The following CACNA1B variants were observed in gnomAD, a reference collection of about 807,000 sequenced individuals.
CACNA1B encodes calcium voltage-gated channel subunit alpha1 B, also known as voltage-dependent N-type calcium channel subunit alpha-1B.
In CACNA1B, 70 loss-of-function variants were observed where a neutral mutation model predicts 247.2. The observed-to-expected ratio is 0.28, with a 90% CI of 0.23 to 0.35. CACNA1B has a LOEUF of 0.35. CACNA1B is among the 10% of genes least tolerant of loss of function. The pLI is 1.00. For missense variants in CACNA1B, 2,367 were observed against 3,197.4 expected (o/e 0.74, Z 6.26); for synonymous variants, 1,231 against 1,294.4 (o/e 0.95, Z 1.05).
At chr9:137,960,183 AGTTGG>A (rs1487928239) in intron 10 of CACNA1B, among the ~76,000 whole-genome samples, 147 of 29,350 alleles carry the variant, frequency 5.0e-3, no homozygotes, top group South Asian at 7.1e-3. Context: ...GGGGAGGGAA[AGTTGG>A]CCTGAGTGAG....
intron 18 of CACNA1B, among the ~76,000 whole-genome samples, chr9:138,019,982 A>G (rs1187691610): frequency 6.6e-6 from 1 of 151,580 alleles, no homozygotes; most frequent in Non-Finnish European, 1.5e-5. Flanking sequence ...CTGTAGTCCC[A>G]GCTACTCGGT....
In CACNA1B at chr9:138,051,623, G is replaced by A. The variant is rs1959283927; in HGVS notation, c.3711-469G>A. ...ACGTCAGCGGGAGGAATGTTAGGAC[G>A]GCTGAGGAGATCTGTAGGGCAGAGG... is the stretch of plus-strand genomic sequence containing the variant. On this transcript the variant is annotated intron_variant, in intron 24 of 46. Coordinates refer to ENST00000371372, the MANE Select transcript of CACNA1B (RefSeq NM_000718.4). This position sits in a 1 kb window ranked among gnomAD's most constrained non-coding sequence, Gnocchi z 4.3. Among the ~76,000 whole-genome samples the A allele has an allele frequency of 6.6e-6, 1 of 151,938 alleles. No individual in the cohort carries two copies. The highest frequency in any genetic ancestry group is 2.4e-5 in the African/African-American group (1 of 41,342).
chr9:137,991,433 C>A (rs1460179459), intron 15 of CACNA1B, among the ~76,000 whole-genome samples: 2 of 152,124 alleles, frequency 1.3e-5, no homozygotes, highest in Non-Finnish European at 2.9e-5. Flanking sequence ...AGTTAAGTGT[C>A]CAAACCTAAG....
chr9:138,097,628 C>A (rs1162724660), intron 37 of CACNA1B, among the ~76,000 whole-genome samples: 1 of 152,172 alleles, frequency 6.6e-6, no homozygotes, highest in African/African-American at 2.4e-5. Flanking sequence ...CACCACTCCC[C>A]GTGCCCTAGG....
chr9:138,043,783 T>C lies in CACNA1B; in HGVS notation c.3296T>C (p.Val1099Ala). The change falls in exon 21 of 47, where the codon GTG becomes GCG. Residue 1099 changes from valine to alanine, a missense_variant. Val to Ala is a moderately conservative substitution (Grantham distance 64). Coordinates refer to ENST00000371372, the MANE Select transcript of CACNA1B (RefSeq NM_000718.4). The stretch of plus-strand genomic sequence containing the variant: ...CCCTGTGTCCTTGTAGGTGGTAACG[T>C]GGACCTGGAAAGCCAAGCAGAGGGG... The part of the protein sequence containing the change: ...GEATVVPSGN[V>A]DLESQAEGKK... 2 of 1,613,808 alleles carry C rather than the reference T, an allele frequency of 1.2e-6. No individual in the cohort carries two copies. The highest frequency in any genetic ancestry group is 1.7e-6 in the Non-Finnish European group (2 of 1,179,832).
At chr9:138,098,155 A>T (rs1322272751) in intron 37 of CACNA1B, among the ~76,000 whole-genome samples, 1 of 152,234 alleles carries the variant, frequency 6.6e-6, no homozygotes, top group Non-Finnish European at 1.5e-5. Flanking sequence ...AGTGTATATG[A>T]CAATTTCCGT....
chr9:138,091,478 G>A (rs1005819532), intron 36 of CACNA1B, among the ~76,000 whole-genome samples: 1 of 152,134 alleles, frequency 6.6e-6, no homozygotes, highest in Admixed American at 6.5e-5. Flanking sequence ...CTGTATCACT[G>A]TAGGGTGACT....
chr9:138,121,404 T>C lies in CACNA1B; in HGVS notation c.6490-65T>C. On this transcript the variant is annotated intron_variant, in intron 46 of 46. Transcript: ENST00000371372. This position sits in a 1 kb window ranked among gnomAD's most constrained non-coding sequence, Gnocchi z 6.8. ...AGGCACCTGTGTGTGATGTGCTCTG[T>C]CTGTTGGTTCGGCTTTTTTTTTTTT... 1 of 1,289,136 alleles carries C rather than the reference T, an allele frequency of 7.8e-7. No individual in the cohort carries two copies. Among genetic ancestry groups the C allele is most frequent in the Middle Eastern group, 2.0e-4 (1 of 5,112 alleles). The allele number at this position is 1,289,136 out of a possible 1,614,324, so 79.9% of individuals were successfully genotyped here.
chr9:137,897,455 C>T (rs1005331474), intron 3 of CACNA1B, among the ~76,000 whole-genome samples: 3 of 152,028 alleles, frequency 2.0e-5, no homozygotes, highest in South Asian at 2.1e-4. Context: ...TGACGGGCGC[C>T]TGTACTCCCA....
rs1000995688 is a variant in CACNA1B at position 137,986,737 on chromosome 9, C to A, written c.1902-45C>A. 5 of 1,526,806 alleles carry A rather than the reference C, an allele frequency of 3.3e-6. No individual in the cohort carries two copies. In the Admixed American group the frequency reaches 5.0e-5, roughly 15 times the overall value. 94.6% of individuals were successfully genotyped at this position (1,526,806 alleles called of 1,614,324 possible). On this transcript the variant is annotated intron_variant, in intron 14 of 46. Coordinates refer to ENST00000371372, the MANE Select transcript of CACNA1B (RefSeq NM_000718.4). The surrounding 1 kb of genome is among the most constrained non-coding windows in gnomAD (Gnocchi z 6.0). ...GCTGGAGCCTGCAGGCGCTGCCTCGCTGCTGACGGGACTGCCACTTCCCAA... is the reference window on the plus strand; with the variant it reads ...GCTGGAGCCTGCAGGCGCTGCCTCGATGCTGACGGGACTGCCACTTCCCAA...
At chr9:137,879,897 C>T (rs563312310) in intron 2 of CACNA1B, among the ~76,000 whole-genome samples, 37 of 152,220 alleles carry the variant, frequency 2.4e-4, no homozygotes, top group African/African-American at 7.2e-4. Context: ...GTCCCCCAGC[C>T]CCCACTCTTC....
intron 3 of CACNA1B, among the ~76,000 whole-genome samples, chr9:137,909,323 G>T (rs1403044255): frequency 6.6e-6 from 1 of 152,082 alleles, no homozygotes; most frequent in Non-Finnish European, 1.5e-5. Context: ...GCCCCAAACA[G>T]AAACTTAGTG....
chr9:137,900,635 G>C (rs1957225777), intron 3 of CACNA1B, among the ~76,000 whole-genome samples: 2 of 150,474 alleles, frequency 1.3e-5, no homozygotes, highest in Admixed American at 6.6e-5. Flanking sequence ...GTGTGTCTCT[G>C]TGTCTGTGTG....
chr9:138,061,211 C>A (rs1217994320), intron 31 of CACNA1B, among the ~76,000 whole-genome samples: 2 of 152,198 alleles, frequency 1.3e-5, no homozygotes, highest in African/African-American at 4.8e-5. Flanking sequence ...CATGGAAACT[C>A]TTTGTGATGC....
At chr9:137,984,341 A>G in intron 13 of CACNA1B, 91 bp downstream of exon 13, 1 of 846,132 alleles carries the variant, frequency 1.2e-6, no homozygotes, top group South Asian at 1.5e-5. Context: ...AGGAGTTCAC[A>G]GCACCCAGAA....
chr9:137,969,579 G>A (rs541836609), intron 10 of CACNA1B, among the ~76,000 whole-genome samples: 18 of 152,296 alleles, frequency 1.2e-4, no homozygotes, highest in South Asian at 8.3e-4. Flanking sequence ...GACACAGTGG[G>A]TTTACATGAG....
intron 3 of CACNA1B, among the ~76,000 whole-genome samples, chr9:137,902,710 G>T (rs759642815): frequency 3.3e-5 from 5 of 152,066 alleles, no homozygotes; most frequent in Non-Finnish European, 5.9e-5. Flanking sequence ...AGCTTTTTCG[G>T]TGTGTAGGTT....
intron 32 of CACNA1B, among the ~76,000 whole-genome samples, chr9:138,070,334 A>G (rs936425487): frequency 6.6e-5 from 10 of 152,262 alleles, no homozygotes; most frequent in East Asian, 3.9e-4. Context: ...CTTTGTCTTC[A>G]TGATTCAGGA....
At chr9:137,932,538 C>T (rs771538306) in intron 6 of CACNA1B, among the ~76,000 whole-genome samples, 17 of 152,134 alleles carry the variant, frequency 1.1e-4, no homozygotes, top group Non-Finnish European at 5.9e-5. Context: ...GCTAAGGTGG[C>T]CCTGGTTAAA....
Sources: allele counts gnomAD v4.1 joint callset (sites outside exome capture counted in the v4.1 genomes callset), GRCh38; gene constraint gnomAD v4.1.1; non-coding constraint Gnocchi (gnomAD v3.1); transcripts MANE v1.5; gene names NCBI Gene and HGNC (gene_info 2026-07-23, HGNC 2026-07-21).